Variants in ZFP92 observed in about 807,000 individuals in gnomAD.
ZFP92 encodes the protein zinc finger protein 92 homolog.
Under a neutral mutation model 7.6 loss-of-function variants are expected in ZFP92, and 2 were observed. The observed-to-expected ratio is 0.26, with a 90% CI of 0.11 to 0.83. ZFP92 has a LOEUF of 0.83. Among genes scored for constraint, ZFP92 ranks in the 40% least tolerant of loss-of-function variants. ZFP92 has a pLI of 0.65. For synonymous variants in ZFP92, 226 were observed against 183.6 expected, an observed-to-expected ratio of 1.23 and a Z score of -1.87; for missense variants, 324 against 408.3, an observed-to-expected ratio of 0.79 and a Z score of 1.78.
Position 153,421,060 on chromosome X carries a change from T to G in ZFP92, c.683T>G (p.Val228Gly), listed in dbSNP as rs2088996692. The G allele has an allele frequency of 8.4e-7, 1 of 1,184,507 alleles. No individual in the cohort carries two copies. Among genetic ancestry groups the G allele is most frequent in the African/African-American group, 1.8e-5 (1 of 54,178 alleles). Residue 228 changes from valine to glycine, a missense_variant, in exon 6 of 6, where the codon GTC becomes GGC. Physicochemically the swap from Val to Gly is moderately radical, Grantham distance 109. Coordinates refer to ENST00000338647, the MANE Select transcript of ZFP92 (RefSeq NM_001136273.2). ...AGCTCCAACCTCATCAAGCACCAGGTCATCCACAGCGGCGAGCGGCCCTTC... is the reference window on the plus strand; with the variant it reads ...AGCTCCAACCTCATCAAGCACCAGGGCATCCACAGCGGCGAGCGGCCCTTC... ...TRSSNLIKHQ[V>G]IHSGERPFAC...
rs1556976066 is a variant in ZFP92, at chrX:153,424,510, G to A, written c.*2882G>A. On this transcript the variant is annotated 3_prime_UTR_variant, in exon 6 of 6. Coordinates refer to ENST00000338647, the MANE Select transcript of ZFP92 (RefSeq NM_001136273.2). ...GGGCTCCCTCCCTCTTGCTGTGTGG[G>A]GAACTGGGAGGGTATAGCCCAAGCT... The A allele has an allele frequency of 1.8e-5, 2 of 112,000 alleles. No individual in the cohort carries two copies. Among genetic ancestry groups the A allele is most frequent in the East Asian group, 5.6e-4 (2 of 3,579 alleles). The allele number at this position is 112,000 out of a possible 1,213,427, so 9.2% of individuals were successfully genotyped here. A position where few individuals can be genotyped will look rare whatever the true frequency, so the allele number is the denominator to read the frequency against.
Position 153,422,472 on chromosome X carries a change from C to A in ZFP92, c.*844C>A, listed in dbSNP as rs931030366. On this transcript the variant is annotated 3_prime_UTR_variant, in exon 6 of 6. Coordinates refer to ENST00000338647, the MANE Select transcript of ZFP92 (RefSeq NM_001136273.2). Reference sequence around the variant, plus strand: ...TGGACATTTGTAGCTAGCCACCCTCCAGGCTTTGCTTTCCCCCCTGCCCGC... The same window carrying A: ...TGGACATTTGTAGCTAGCCACCCTCAAGGCTTTGCTTTCCCCCCTGCCCGC... 4 of 111,687 alleles carry A rather than the reference C, an allele frequency of 3.6e-5. No individual in the cohort carries two copies. Among genetic ancestry groups the A allele is most frequent in the Non-Finnish European group, 7.5e-5 (4 of 53,148 alleles). The allele number at this position is 111,687 out of a possible 1,213,427, so 9.2% of individuals were successfully genotyped here. A position where few individuals can be genotyped will look rare whatever the true frequency, so the allele number is the denominator to read the frequency against.
Position 153,421,346 on chromosome X carries a change from C to T in ZFP92, c.969C>T (p.Arg323=). ...SHSGERPFAC[R]ECGKAFRGRS... ...GCGGCGAGCGGCCCTTCGCGTGCCG[C>T]GAGTGCGGCAAGGCCTTCCGTGGCC... The change falls in exon 6 of 6, where the codon CGC becomes CGT. Residue 323 remains arginine, a synonymous_variant. Transcript: ENST00000338647. 4.3e-6 allele frequency: 5 copies of T among 1,163,797 alleles called. No homozygotes were observed. The highest frequency in any genetic ancestry group is 5.7e-6 in the Non-Finnish European group (5 of 874,354).
intron 3 of ZFP92, 41 bp downstream of exon 3, chrX:153,418,396 C>T: frequency 8.6e-7 from 1 of 1,159,488 alleles, no homozygotes; most frequent in Non-Finnish European, 1.2e-6. Context: ...CCCCTGGCAG[C>T]CCCCGTCTGC....
In ZFP92 at chrX:153,424,605, T is replaced by C. The variant is rs2089030665; in HGVS notation, c.*2977T>C. On this transcript the variant is annotated 3_prime_UTR_variant, in exon 6 of 6. Coordinates refer to ENST00000338647, the MANE Select transcript of ZFP92 (RefSeq NM_001136273.2). ...GAAAGTCTTGCCTGTTTTCCAAGGC[T>C]TCCTCCACCCTGCCACCGAAGAACT... 8.9e-6 allele frequency: 1 copy of C among 112,057 alleles called. No homozygotes were observed. The highest frequency in any genetic ancestry group is 1.9e-5 in the Non-Finnish European group (1 of 53,192). 9.2% of individuals were successfully genotyped at this position (112,057 alleles called of 1,213,427 possible).
intron 3 of ZFP92, 150 bp downstream of exon 3, chrX:153,418,505 T>C: frequency 1.0e-6 from 1 of 973,093 alleles, no homozygotes; most frequent in Non-Finnish European, 1.4e-6. Flanking sequence ...TTCCTGCCTC[T>C]GTCGGCTGTG....
chrX:153,421,032 C>T lies in ZFP92; in HGVS notation c.655C>T (p.Arg219Cys), dbSNP rs2088996448. Residue 219 changes from arginine to cysteine, a missense_variant, in exon 6 of 6, where the codon CGC (arginine) becomes TGC (cysteine). Transcript: ENST00000338647. ...ACPECSKTFT[R>C]SSNLIKHQVI... Reference sequence around the variant, plus strand: ...CCCCGAGTGCAGCAAGACCTTCACGCGCAGCTCCAACCTCATCAAGCACCA... The same window carrying T: ...CCCCGAGTGCAGCAAGACCTTCACGTGCAGCTCCAACCTCATCAAGCACCA... The T allele has an allele frequency of 1.7e-6, 2 of 1,194,633 alleles. No individual in the cohort carries two copies. Among genetic ancestry groups the T allele is most frequent in the Admixed American group, 2.3e-5 (1 of 43,583 alleles).
In ZFP92 at chrX:153,411,494, G is replaced by T. The variant is rs782084144; in HGVS notation, c.-277G>T. Among the ~76,000 whole-genome samples the T allele has an allele frequency of 8.9e-6, 1 of 111,868 alleles. No individual in the cohort carries two copies. Among genetic ancestry groups the T allele is most frequent in the African/African-American group, 3.2e-5 (1 of 30,884 alleles). On this transcript the variant is annotated 5_prime_UTR_variant, in exon 1 of 6. Coordinates refer to ENST00000338647, the MANE Select transcript of ZFP92 (RefSeq NM_001136273.2). ...CCCGCCCGCTCCCGGCCCGCTCGTC[G>T]GCGCACCAGACTGAGACTCCCCTTC...
chrX:153,417,588 G>T (rs781834718), intron 2 of ZFP92, among the ~76,000 whole-genome samples: 3 of 112,057 alleles, frequency 2.7e-5, no homozygotes, highest in Non-Finnish European at 3.8e-5. Context: ...GTCAGGGGAC[G>T]CTGGCCACAT....
rs1489632042 is a variant in ZFP92 at position 153,421,445 on chromosome X, C to T, written c.1068C>T (p.Ala356=). ...KPYECSDCGK[A]FGRRANLFKH... ...ACGAGTGCAGCGACTGCGGCAAGGC[C>T]TTCGGCCGGCGCGCCAACCTATTCA... is the stretch of plus-strand genomic sequence containing the variant. The change falls in exon 6 of 6, where the codon GCC becomes GCT. Residue 356 remains alanine (A), a synonymous_variant. Transcript: ENST00000338647. 7 of 1,150,665 alleles carry T rather than the reference C, an allele frequency of 6.1e-6. No individual in the cohort carries two copies. The highest frequency in any genetic ancestry group is 8.0e-6 in the Non-Finnish European group (7 of 870,018). 94.8% of individuals were successfully genotyped at this position (1,150,665 alleles called of 1,213,427 possible).
In ZFP92 at chrX:153,423,196, C is replaced by G. The variant is rs1177424704; in HGVS notation, c.*1568C>G. ...GGTCAGCGGCCACCTCCTTCCAGCCCTGTCCCCTCCCAGGGGAGAGGGGGT... is the reference window on the plus strand; with the variant it reads ...GGTCAGCGGCCACCTCCTTCCAGCCGTGTCCCCTCCCAGGGGAGAGGGGGT... On this transcript the variant is annotated 3_prime_UTR_variant, in exon 6 of 6. Transcript: ENST00000338647. 9.0e-6 allele frequency: 1 copy of G among 111,202 alleles called. No homozygotes were observed. Among genetic ancestry groups the G allele is most frequent in the African/African-American group, 3.3e-5 (1 of 30,560 alleles). The allele number at this position is 111,202 out of a possible 1,213,427, so 9.2% of individuals were successfully genotyped here. A position where few individuals can be genotyped will look rare whatever the true frequency, so the allele number is the denominator to read the frequency against.
In ZFP92 at chrX:153,423,979, G is replaced by A. The variant is rs1402158857; in HGVS notation, c.*2351G>A. On this transcript the variant is annotated 3_prime_UTR_variant, in exon 6 of 6. Coordinates refer to ENST00000338647, the MANE Select transcript of ZFP92 (RefSeq NM_001136273.2). ...CTGATACCCATTTCCGTTGTTCTAG[G>A]AGGTAAATGATTTCGTTCCTACAAG... is the stretch of plus-strand genomic sequence containing the variant. 8.9e-6 allele frequency: 1 copy of A among 112,878 alleles called. No homozygotes were observed. Among genetic ancestry groups the A allele is most frequent in the East Asian group, 2.8e-4 (1 of 3,632 alleles). 9.3% of individuals were successfully genotyped at this position (112,878 alleles called of 1,213,427 possible).
rs781965072 is a variant in ZFP92 at position 153,420,927 on chromosome X, G to C, written c.550G>C (p.Glu184Gln). The change falls in exon 6 of 6, where the codon GAG (glutamate) becomes CAG (glutamine). Residue 184 changes from glutamate (E) to glutamine (Q), a missense_variant. Transcript: ENST00000338647. The stretch of plus-strand genomic sequence containing the variant: ...TGGCGAGAAGCCTTACGCGTGCCCC[G>C]AGTGCGGCAAGCTGTTTCGCCGCAG... ...HSGEKPYACP[E>Q]CGKLFRRSFA... The C allele has an allele frequency of 5.9e-6, 7 of 1,189,559 alleles. No homozygotes were observed. Among genetic ancestry groups the C allele is most frequent in the Non-Finnish European group, 3.4e-6 (3 of 884,683 alleles).
At chrX:153,416,902 C>T (rs782319066) in intron 2 of ZFP92, among the ~76,000 whole-genome samples, 12 of 111,516 alleles carry the variant, frequency 1.1e-4, no homozygotes, top group Non-Finnish European at 1.7e-4. Context: ...GCAGAGATCA[C>T]GTGGCCAGAG....
chrX:153,416,917 C>T (rs782708662), intron 2 of ZFP92, among the ~76,000 whole-genome samples: 8 of 111,078 alleles, frequency 7.2e-5, no homozygotes, highest in African/African-American at 1.6e-4. Flanking sequence ...CCAGAGGGGA[C>T]GCAAGATGAG....
rs782274375 is a variant in ZFP92, at chrX:153,418,319, G to A, written c.-4G>A. 2.3e-5 allele frequency: 27 copies of A among 1,165,837 alleles called. No homozygotes were observed. In the African/African-American group the frequency reaches 4.5e-4, roughly 19 times the overall value. ...ATTTCCCTTAGCTCCTCTGCGCCCT[G>A]GTGATGGCAGCCATTCTCCTGACCA... On this transcript the variant is annotated 5_prime_UTR_variant, in exon 3 of 6. Coordinates refer to ENST00000338647, the MANE Select transcript of ZFP92 (RefSeq NM_001136273.2).
intron 4 of ZFP92, 112 bp downstream of exon 4, chrX:153,418,911 G>A: frequency 2.0e-6 from 2 of 1,018,153 alleles, no homozygotes; most frequent in Non-Finnish European, 2.6e-6. Flanking sequence ...AAGAATAAAT[G>A]CATTTCTCCA....
At position 153,422,015 on chromosome X, in the gene ZFP92, C is replaced by A. The variant is rs2089009178; in HGVS notation, c.*387C>A. 8.3e-6 allele frequency: 1 copy of A among 120,368 alleles called. No individual in the cohort carries two copies. The highest frequency in any genetic ancestry group is 9.2e-5 in the Admixed American group (1 of 10,888). The allele number at this position is 120,368 out of a possible 1,213,427, so 9.9% of individuals were successfully genotyped here. On this transcript the variant is annotated 3_prime_UTR_variant, in exon 6 of 6. Coordinates refer to ENST00000338647, the MANE Select transcript of ZFP92 (RefSeq NM_001136273.2). ...GCGTGGAGGGGATGCGTGAACCATC[C>A]CTCGGATTTGCATCAGAATCGCCTG...
At position 153,421,696 on chromosome X, in the gene ZFP92, A is replaced by C. The variant is rs1556975347; in HGVS notation, c.*68A>C. 1 of 914,444 alleles carries C rather than the reference A, an allele frequency of 1.1e-6. No homozygotes were observed. The highest frequency in any genetic ancestry group is 2.1e-5 in the African/African-American group (1 of 47,547). 75.4% of individuals were successfully genotyped at this position (914,444 alleles called of 1,213,427 possible). The stretch of plus-strand genomic sequence containing the variant: ...GGCCTTCCTGGGGACGTCGAGGCTC[A>C]GCCCCCTTCAGGTGGGAAGACCGCC... On this transcript the variant is annotated 3_prime_UTR_variant, in exon 6 of 6. Coordinates refer to ENST00000338647, the MANE Select transcript of ZFP92 (RefSeq NM_001136273.2).
Sources: gnomAD v4.1 joint callset for allele counts (sites outside exome capture counted in the v4.1 genomes callset) on GRCh38, gnomAD v4.1.1 for gene constraint, MANE v1.5 for transcripts, NCBI Gene and HGNC (gene_info 2026-07-23, HGNC 2026-07-21) for gene names.